Variants in ECI2 observed in about 807,000 individuals in gnomAD.
ECI2 encodes the protein D3,D2-enoyl-CoA isomerase.
ECI2 carries 27 observed loss-of-function variants against 38.4 expected under a neutral mutation model. The observed-to-expected ratio is 0.70, with a 90% CI of 0.52 to 0.97. ECI2 has a LOEUF of 0.97. Among genes scored for constraint, ECI2 ranks in the 50% least tolerant of loss-of-function variants. The pLI is 0.00. For missense variants in ECI2, 470 were observed against 474.4 expected (o/e 0.99, Z 0.09); for synonymous variants, 168 against 172.0 (o/e 0.98, Z 0.18).
intron 1 of ECI2, among the ~76,000 whole-genome samples, chr6:4,134,394 A>C (rs893440742): frequency 6.6e-6 from 1 of 152,132 alleles, no homozygotes; most frequent in African/African-American, 2.4e-5. Flanking sequence ...AGCCAGGAAC[A>C]GAGCAGAAAC....
intron 8 of ECI2, 34 bp downstream of exon 8, chr6:4,119,152 A>C (rs779917131): frequency 2.9e-5 from 45 of 1,547,684 alleles, no homozygotes; most frequent in Non-Finnish European, 3.8e-5. Flanking sequence ...GAGATGACTC[A>C]TAAAATTTTA....
rs751014667 is a variant in ECI2 at position 4,125,382 on chromosome 6, G to A, written c.675-12C>T. On this transcript the variant is annotated splice_polypyrimidine_tract_variant and intron_variant, in intron 6 of 9. Coordinates refer to ENST00000380118, the MANE Select transcript of ECI2 (RefSeq NM_206836.3). The stretch of plus-strand genomic sequence containing the variant: ...AGCCCACAAATTCCCTACAGAAATG[G>A]AAACACAAAATCATTAAATGTGCCA... 2.5e-6 allele frequency: 4 copies of A among 1,613,718 alleles called. No homozygotes were observed. Among genetic ancestry groups the A allele is most frequent in the Non-Finnish European group, 3.4e-6 (4 of 1,180,018 alleles).
intron 8 of ECI2, chr6:4,118,672 G>C (rs1322057166): frequency 6.5e-6 from 1 of 153,300 alleles, no homozygotes; most frequent in African/African-American, 2.4e-5. Context: ...TGAGCAGGCT[G>C]ATGGAAGGGC....
In ECI2 at chr6:4,127,784, G is replaced by C; in HGVS notation, c.549C>G (p.Asp183Glu). 1 of 1,613,298 alleles carries C rather than the reference G, an allele frequency of 6.2e-7. No homozygotes were observed. The highest frequency in any genetic ancestry group is 8.5e-7 in the Non-Finnish European group (1 of 1,179,624). ...MRALKAASKD[D>E]SIITVLTGNG... ...TACCTGTTAAAACAGTGATGATTGA[G>C]TCATCCTTGCTGGCAGCTTTAAGTG... Residue 183 changes from aspartate (D) to glutamate (E), a missense_variant, in exon 5 of 10, where the codon GAC (aspartate) becomes GAG (glutamate). Asp to Glu is a conservative substitution (Grantham distance 45). Transcript: ENST00000380118.
At chr6:4,127,404 CTTTTTTTTTTTTT>C (rs71001567) in intron 5 of ECI2, among the ~76,000 whole-genome samples, 6 of 75,898 alleles carry the variant, frequency 7.9e-5, no homozygotes, top group African/African-American at 2.2e-4. Flanking sequence ...ATCTTAGAGC[CTTTTTTTTTTTTT>C]TTTTTTTTTT....
chr6:4,128,241 AGT>A (rs1229121775), intron 4 of ECI2, among the ~76,000 whole-genome samples: 4 of 151,848 alleles, frequency 2.6e-5, no homozygotes, highest in Non-Finnish European at 5.9e-5. Flanking sequence ...GTGTGGGCAG[AGT>A]GGGAGGTGGT....
intron 2 of ECI2, among the ~76,000 whole-genome samples, chr6:4,131,496 CA>C (rs1302087312): frequency 1.3e-5 from 2 of 152,076 alleles, no homozygotes; most frequent in African/African-American, 4.8e-5. Context: ...TCAGAAATAG[CA>C]ATTTAAAATT....
rs1260193946 is a variant in ECI2 at position 4,130,883 on chromosome 6, G to A, written c.214-18C>T. Reference sequence around the variant, plus strand: ...TCAGTGGCCTGTGAAAAGGAGAGGGGCAATATGTTCAAATGTCCATGTAAA... The same window carrying A: ...TCAGTGGCCTGTGAAAAGGAGAGGGACAATATGTTCAAATGTCCATGTAAA... On this transcript the variant is annotated intron_variant, in intron 2 of 9. Transcript: ENST00000380118. 1 of 1,610,678 alleles carries A rather than the reference G, an allele frequency of 6.2e-7. No homozygotes were observed. Among genetic ancestry groups the A allele is most frequent in the East Asian group, 2.2e-5 (1 of 44,868 alleles).
chr6:4,125,656 CG>C (rs1773101673), intron 6 of ECI2: 1 of 467,374 alleles, frequency 2.1e-6, no homozygotes, highest in African/African-American at 2.0e-5. Flanking sequence ...GTAAACCAGC[CG>C]CAGTCTTAGA....
intron 7 of ECI2, chr6:4,124,944 A>G (rs1310371623): frequency 2.1e-6 from 1 of 479,924 alleles, no homozygotes; most frequent in Admixed American, 2.3e-5. Flanking sequence ...CCTCCCTCCC[A>G]TAACAAATTT....
chr6:4,125,214 C>T, intron 7 of ECI2, 36 bp downstream of exon 7: 1 of 1,610,528 alleles, frequency 6.2e-7, no homozygotes, highest in South Asian at 1.1e-5. Context: ...TCTCGCGCTG[C>T]TTGCCTGACC....
intron 7 of ECI2, among the ~76,000 whole-genome samples, chr6:4,119,673 T>C (rs1384054499): frequency 6.6e-6 from 1 of 152,214 alleles, no homozygotes; most frequent in Non-Finnish European, 1.5e-5. Context: ...CAATACTTAA[T>C]AATATTTATT....
rs368841651 is a variant in ECI2, at chr6:4,133,538, T to C, written c.213+11A>G. ...AAATTCTTTAAATAACGTTCGACCG[T>C]AGGCATTTACCTGCTTATATAGCGC... On this transcript the variant is annotated intron_variant, in intron 2 of 9. Coordinates refer to ENST00000380118, the MANE Select transcript of ECI2 (RefSeq NM_206836.3). The C allele has an allele frequency of 1.9e-6, 3 of 1,596,038 alleles. No homozygotes were observed. Among genetic ancestry groups the C allele is most frequent in the Non-Finnish European group, 2.6e-6 (3 of 1,172,682 alleles).
At chr6:4,120,340 G>C (rs1212493917) in intron 7 of ECI2, among the ~76,000 whole-genome samples, 1 of 152,192 alleles carries the variant, frequency 6.6e-6, no homozygotes, top group Non-Finnish European at 1.5e-5. Flanking sequence ...AATCCCTACT[G>C]CTTCCAGGCT....
chr6:4,127,865 C>G (rs1403380474), intron 4 of ECI2, 34 bp from the exon 5 acceptor site: 4 of 1,587,358 alleles, frequency 2.5e-6, no homozygotes, highest in Non-Finnish European at 3.4e-6. Flanking sequence ...AAGAAAAGAA[C>G]TCTGAACACA....
intron 7 of ECI2, among the ~76,000 whole-genome samples, chr6:4,124,033 T>C (rs1772985887): frequency 6.6e-6 from 1 of 152,074 alleles, no homozygotes; most frequent in African/African-American, 2.4e-5. Context: ...CAGAACAAGA[T>C]TCAAATACAA....
At chr6:4,125,937 G>A (rs1773123002) in intron 6 of ECI2, 198 bp downstream of exon 6, 2 of 679,782 alleles carry the variant, frequency 2.9e-6, no homozygotes, top group Non-Finnish European at 5.4e-6. Context: ...CCAGCAGGAT[G>A]AACAGGTAAC....
rs577618425 is a variant in ECI2, at chr6:4,121,884, A to G, written c.796-2609T>C. Reference sequence around the variant, plus strand: ...CTATAACATATGCAGCATATACATAAAAATAATCACAATATTTTTAAAAGT... The same window carrying G: ...CTATAACATATGCAGCATATACATAGAAATAATCACAATATTTTTAAAAGT... On this transcript the variant is annotated intron_variant, in intron 7 of 9. Coordinates refer to ENST00000380118, the MANE Select transcript of ECI2 (RefSeq NM_206836.3). The G allele has an allele frequency of 7.4e-4, 675 of 913,968 alleles. 1 individual carries two copies. The highest frequency in any genetic ancestry group is 1.0e-3 in the Non-Finnish European group (640 of 610,120). The allele number at this position is 913,968 out of a possible 1,614,324, so 56.6% of individuals were successfully genotyped here.
In ECI2 at chr6:4,130,355, T is replaced by G; in HGVS notation, c.501+17A>C. ...AGAAAGTAAAACAGGACAAACTCCGTGGGCAGGTAACATTACCTCAGTGTT... is the reference window on the plus strand; with the variant it reads ...AGAAAGTAAAACAGGACAAACTCCGGGGGCAGGTAACATTACCTCAGTGTT... On this transcript the variant is annotated intron_variant, in intron 4 of 9. Transcript: ENST00000380118. The G allele has an allele frequency of 3.1e-6, 5 of 1,614,152 alleles. No homozygotes were observed. Among genetic ancestry groups the G allele is most frequent in the Non-Finnish European group, 3.4e-6 (4 of 1,179,988 alleles).
Sources: allele counts gnomAD v4.1 joint callset (sites outside exome capture counted in the v4.1 genomes callset), GRCh38; gene constraint gnomAD v4.1.1; transcripts MANE v1.5; gene names NCBI Gene and HGNC (gene_info 2026-07-23, HGNC 2026-07-21).